The following STX8 variants were observed in gnomAD, a reference collection of about 807,000 sequenced individuals.
STX8 encodes syntaxin 8, also known as syntaxin-8.
Under a neutral mutation model 37.5 loss-of-function variants are expected in STX8, and 23 were observed. That is an observed-to-expected ratio of 0.61 (90% CI 0.44 to 0.87). The LOEUF is 0.87. STX8 is among the 40% of genes least tolerant of loss of function. The pLI, the probability that STX8 is intolerant of heterozygous loss-of-function variation, is 0.00. For synonymous variants in STX8, 115 were observed against 99.1 expected, an observed-to-expected ratio of 1.16 and a Z score of -0.95; for missense variants, 313 against 284.7, an observed-to-expected ratio of 1.10 and a Z score of -0.71.
intron 3 of STX8, among the ~76,000 whole-genome samples, chr17:9,545,727 T>A (rs1158890868): frequency 6.6e-6 from 1 of 152,154 alleles, no homozygotes; most frequent in East Asian, 1.9e-4. Context: ...CTTACAGACG[T>A]GCACCACCAC....
chr17:9,535,405 C>G (rs924845104), intron 4 of STX8, among the ~76,000 whole-genome samples: 12 of 142,544 alleles, frequency 8.4e-5, no homozygotes, highest in Middle Eastern at 3.6e-3. Context: ...CGCACATACC[C>G]TCTGACCCAG....
intron 4 of STX8, among the ~76,000 whole-genome samples, chr17:9,542,189 T>C (rs1406383349): frequency 1.3e-5 from 2 of 151,172 alleles, no homozygotes; most frequent in Non-Finnish European, 2.9e-5. Flanking sequence ...TAAAACCTCA[T>C]CTCTACCAAA....
chr17:9,508,286 C>T (rs1247678514), intron 4 of STX8, among the ~76,000 whole-genome samples: 1 of 152,036 alleles, frequency 6.6e-6, no homozygotes, highest in Non-Finnish European at 1.5e-5. Context: ...TAAATAAGTA[C>T]AAGCTAGAGC....
chr17:9,537,998 A>G (rs1906128316), intron 4 of STX8, among the ~76,000 whole-genome samples: 1 of 152,228 alleles, frequency 6.6e-6, no homozygotes, highest in Admixed American at 6.5e-5. Context: ...TCCCAGTATC[A>G]GTGTATAGCA....
At chr17:9,369,426 G>A (rs536790904) in intron 7 of STX8, among the ~76,000 whole-genome samples, 1 of 151,416 alleles carries the variant, frequency 6.6e-6, no homozygotes, top group Admixed American at 6.6e-5. Flanking sequence ...ATAAATAAAG[G>A]AACTGGCATA....
chr17:9,408,503 A>G (rs1912872489), intron 6 of STX8, among the ~76,000 whole-genome samples: 1 of 152,204 alleles, frequency 6.6e-6, no homozygotes, highest in African/African-American at 2.4e-5. Flanking sequence ...ATTTTTAGCC[A>G]TGTCTCAATC....
At chr17:9,373,640 TGGG>T (rs1157199100) in intron 7 of STX8, among the ~76,000 whole-genome samples, 1 of 152,092 alleles carries the variant, frequency 6.6e-6, no homozygotes, top group African/African-American at 2.4e-5. Flanking sequence ...AATTTCAGTT[TGGG>T]ATGTTAAAAA....
At chr17:9,557,246 C>T (rs1233390213) in intron 3 of STX8, 188 bp downstream of exon 3, 1 of 539,016 alleles carries the variant, frequency 1.9e-6, no homozygotes, top group Non-Finnish European at 3.3e-6. Context: ...TCTTGCTTTG[C>T]CAGCATATTC....
intron 6 of STX8, among the ~76,000 whole-genome samples, chr17:9,411,964 A>G (rs1912994612): frequency 6.6e-6 from 1 of 152,198 alleles, no homozygotes; most frequent in African/African-American, 2.4e-5. Flanking sequence ...CTGTACTAAA[A>G]GTGGTATAGA....
rs374981525 is a variant in STX8, at chr17:9,270,379, C to A, written c.644-19734G>T. On this transcript the variant is annotated intron_variant, in intron 7 of 7. Coordinates refer to ENST00000306357, the MANE Select transcript of STX8 (RefSeq NM_004853.3). ...TCTCCTCCCTCAGCCTCCCAAGTAG[C>A]TGGGACTACAGGTGCCCGCCACCAC... 1.2e-4 allele frequency among the ~76,000 whole-genome samples: 19 copies of A among 152,200 alleles called. No homozygotes were observed. In the East Asian group the frequency reaches 3.7e-3, roughly 29 times the overall value.
At chr17:9,360,961 G>C (rs1911042588) in intron 7 of STX8, among the ~76,000 whole-genome samples, 1 of 152,118 alleles carries the variant, frequency 6.6e-6, no homozygotes, top group Non-Finnish European at 1.5e-5. Context: ...TCAATACAAA[G>C]ATCAATTTGC....
In STX8 at chr17:9,380,776, T is replaced by C. The variant is rs371502028; in HGVS notation, c.542-2123A>G. On this transcript the variant is annotated intron_variant, in intron 6 of 7. Coordinates refer to ENST00000306357, the MANE Select transcript of STX8 (RefSeq NM_004853.3). ...TCGCCCAGGCTGGAGTGCAGTGGTG[T>C]CATAGCAGCTCACCACAACCTCTGC... 2.1e-5 allele frequency among the ~76,000 whole-genome samples: 3 copies of C among 144,836 alleles called. No individual in the cohort carries two copies. In the East Asian group the frequency reaches 6.4e-4, roughly 31 times the overall value.
intron 6 of STX8, among the ~76,000 whole-genome samples, chr17:9,399,688 A>C (rs995719116): frequency 3.3e-5 from 5 of 152,032 alleles, no homozygotes; most frequent in African/African-American, 7.2e-5. Context: ...TAACATGGCA[A>C]AACCCCATCT....
At chr17:9,309,748 A>G (rs1452889683) in intron 7 of STX8, among the ~76,000 whole-genome samples, 1 of 152,210 alleles carries the variant, frequency 6.6e-6, no homozygotes, top group African/African-American at 2.4e-5. Flanking sequence ...GGGTCATGAG[A>G]CTTGTAAGAT....
chr17:9,305,080 G>C (rs1358770848), intron 7 of STX8, among the ~76,000 whole-genome samples: 1 of 151,660 alleles, frequency 6.6e-6, no homozygotes, highest in East Asian at 1.9e-4. Context: ...AATTACATGA[G>C]ATATTAAATA....
chr17:9,325,371 T>C (rs935104657), intron 7 of STX8, among the ~76,000 whole-genome samples: 1 of 152,168 alleles, frequency 6.6e-6, no homozygotes, highest in African/African-American at 2.4e-5. Flanking sequence ...AAGGTATGTA[T>C]AGTGTATGAA....
chr17:9,378,461 T>C, intron 7 of STX8, 91 bp downstream of exon 7: 1 of 1,161,000 alleles, frequency 8.6e-7, no homozygotes. Flanking sequence ...AGCAACCAAA[T>C]CCCCACAGTA....
chr17:9,447,151 G>A (rs1413459677), intron 6 of STX8, among the ~76,000 whole-genome samples: 2 of 152,106 alleles, frequency 1.3e-5, no homozygotes, highest in African/African-American at 4.8e-5. Context: ...TTTCTTTGGG[G>A]CCTATATTAT....
intron 2 of STX8, among the ~76,000 whole-genome samples, chr17:9,566,174 A>G (rs1420862042): frequency 6.6e-6 from 1 of 152,182 alleles, no homozygotes; most frequent in African/African-American, 2.4e-5. Flanking sequence ...AAAGGAAGAC[A>G]GGCATGCTGC....
Sources: allele counts gnomAD v4.1 joint callset (sites outside exome capture counted in the v4.1 genomes callset), GRCh38; gene constraint gnomAD v4.1.1; transcripts MANE v1.5; gene names NCBI Gene and HGNC (gene_info 2026-07-23, HGNC 2026-07-21).